TIPIN: variants seen among roughly 807,000 people sequenced by gnomAD.
The protein encoded by TIPIN is TIMELESS interacting protein, also known as TIMELESS-interacting protein.
TIPIN carries 29 observed loss-of-function variants against 35.6 expected under a neutral mutation model. The observed-to-expected ratio is 0.82, with a 90% confidence interval of 0.61 to 1.11. TIPIN has a LOEUF of 1.11. TIPIN is among the 50% of genes most tolerant of loss of function. TIPIN has a pLI of 0.00. For synonymous variants in TIPIN, 102 were observed against 121.5 expected (o/e 0.84, Z 1.06); for missense variants, 296 against 345.4 (o/e 0.86, Z 1.13).
rs1348424114 is a variant in TIPIN at position 66,367,838 on chromosome 15, T to G, written c.-8-14883A>C. 4.2e-5 allele frequency among the ~76,000 whole-genome samples: 6 copies of G among 144,574 alleles called. No homozygotes were observed. In the South Asian group the frequency reaches 6.5e-4, roughly 16 times the overall value. 94.8% of individuals were successfully genotyped at this position (144,574 alleles called of 152,430 possible). On this transcript the variant is annotated intron_variant, in intron 1 of 7. Transcript: ENST00000562124. ...CCTGTTATACATAAATCTTTGTTTT[T>G]GTTTTTTTTTTTTTGATTCAAAGTC...
At chr15:66,358,423 TTCTC>T (rs1479997548), upstream of TIPIN, among the ~76,000 whole-genome samples, 89 of 152,154 alleles carry the variant, frequency 5.8e-4, no homozygotes, top group East Asian at 2.1e-3. Flanking sequence ...TTTTCTTTCT[TTCTC>T]TCTGTCTTTT....
intron 1 of TIPIN, among the ~76,000 whole-genome samples, chr15:66,372,539 A>G (rs1316923339): frequency 6.6e-6 from 1 of 152,228 alleles, no homozygotes; most frequent in East Asian, 1.9e-4. Context: ...TTTGGTGAAC[A>G]TATATAGCCA....
At chr15:66,365,862 T>G (rs186557603) in intron 1 of TIPIN, among the ~76,000 whole-genome samples, 2 of 152,028 alleles carry the variant, frequency 1.3e-5, no homozygotes, top group African/African-American at 4.8e-5. Context: ...CATATTAGTT[T>G]ACTTTTTTTA....
At chr15:66,383,793 A>G (rs998807073) in intron 1 of TIPIN, 2 of 158,532 alleles carry the variant, frequency 1.3e-5, no homozygotes, top group Non-Finnish European at 2.7e-5. Context: ...TGAAGACCAT[A>G]GTTAATAACA....
intron 1 of TIPIN, among the ~76,000 whole-genome samples, chr15:66,384,827 A>G (rs1414844330): frequency 6.6e-6 from 1 of 151,920 alleles, no homozygotes; most frequent in East Asian, 2.0e-4. Flanking sequence ...CAGGAGAATC[A>G]CTTGAGCTTG....
In TIPIN at chr15:66,375,499, T is replaced by TTATATATATA. The variant is rs71139487; in HGVS notation, c.-9+11098_-9+11107dup. Among the ~76,000 whole-genome samples, 176 of 132,840 alleles carry TTATATATATA rather than the reference T, an allele frequency of 1.3e-3. 1 individual carries two copies. Among genetic ancestry groups the TTATATATATA allele is most frequent in the East Asian group, 3.1e-3 (14 of 4,478 alleles). 87.1% of individuals were successfully genotyped at this position (132,840 alleles called of 152,430 possible). ...CTAATGTTGTTTTTAATTGGAAAAG[T>TTATATATATA]TATATATATATATATATATATATAT... On this transcript the variant is annotated intron_variant, in intron 1 of 7. Coordinates refer to the TIPIN transcript ENST00000562124.
At chr15:66,360,025 G>C (rs2093224253), upstream of TIPIN, among the ~76,000 whole-genome samples, 1 of 151,912 alleles carries the variant, frequency 6.6e-6, no homozygotes, top group Non-Finnish European at 1.5e-5. Context: ...TTCCTAACTA[G>C]GCCTCCCAAA....
chr15:66,379,322 G>C, intron 1 of TIPIN: 1 of 1,584,368 alleles, frequency 6.3e-7, no homozygotes, highest in Non-Finnish European at 8.5e-7. Flanking sequence ...TCTGTAGCTG[G>C]ATAACTCTTA....
At chr15:66,363,130 C>G (rs2093238420) in intron 1 of TIPIN, among the ~76,000 whole-genome samples, 1 of 152,186 alleles carries the variant, frequency 6.6e-6, no homozygotes, top group Non-Finnish European at 1.5e-5. Context: ...GTAATCCCAG[C>G]ACTTTGGGAA....
At chr15:66,345,697 TG>T (rs1267923831) in intron 6 of TIPIN, among the ~76,000 whole-genome samples, 5 of 151,214 alleles carry the variant, frequency 3.3e-5, no homozygotes, top group Non-Finnish European at 7.4e-5. Context: ...GGCAACAGAG[TG>T]AGACTCCGTC....
intron 3 of TIPIN, 149 bp from the exon 4 acceptor site, chr15:66,351,749 C>A: frequency 1.6e-6 from 1 of 638,204 alleles, no homozygotes; most frequent in Non-Finnish European, 2.7e-6. Context: ...ACGTCATTCT[C>A]CTGCCTCAGC....
At chr15:66,364,416 G>T (rs1011349947) in intron 1 of TIPIN, among the ~76,000 whole-genome samples, 2 of 151,660 alleles carry the variant, frequency 1.3e-5, no homozygotes, top group South Asian at 4.2e-4. Context: ...TGCCCGCCTC[G>T]GCTTCCCAGT....
At chr15:66,363,052 T>C (rs1297666669) in intron 1 of TIPIN, among the ~76,000 whole-genome samples, 1 of 152,164 alleles carries the variant, frequency 6.6e-6, no homozygotes, top group East Asian at 1.9e-4. Flanking sequence ...TTAAGATCAG[T>C]TCAGCTGCAA....
intron 1 of TIPIN, among the ~76,000 whole-genome samples, chr15:66,367,198 A>ATATCTATATCTATATCTG (rs2093258637): frequency 8.8e-6 from 1 of 114,088 alleles, no homozygotes; most frequent in Admixed American, 8.3e-5. Flanking sequence ...ATCTATATCT[A>ATATCTATATCTATATCTG]TATCTATATC....
chr15:66,381,294 C>T lies in TIPIN; in HGVS notation c.-9+5313G>A, dbSNP rs575567751. On this transcript the variant is annotated intron_variant, in intron 1 of 7. Transcript: ENST00000562124. ...CTACTAAAAATACAAAAAAATTAGC[C>T]GAGCGTGGTGGCGGGCGCCTGTAAT... 2.4e-4 allele frequency among the ~76,000 whole-genome samples: 36 copies of T among 151,782 alleles called. No homozygotes were observed. The East Asian group carries it at 2.7e-3, about 12-fold the overall frequency.
chr15:66,370,180 G>C (rs989532821), intron 1 of TIPIN, among the ~76,000 whole-genome samples: 6 of 151,992 alleles, frequency 3.9e-5, no homozygotes, highest in African/African-American at 1.4e-4. Flanking sequence ...CTTTCACTGC[G>C]CTATCCAAGG....
At chr15:66,369,809 G>C (rs760883503) in intron 1 of TIPIN, among the ~76,000 whole-genome samples, 1 of 152,168 alleles carries the variant, frequency 6.6e-6, no homozygotes, top group Non-Finnish European at 1.5e-5. Context: ...TAATGGCTCT[G>C]CTGTATAGGT....
intron 3 of TIPIN, 92 bp from the exon 4 acceptor site, chr15:66,351,692 C>T (rs1240574391): frequency 8.5e-6 from 9 of 1,063,522 alleles, no homozygotes; most frequent in East Asian, 7.9e-5. Context: ...GGCTGGGATG[C>T]GGTGGCGCGA....
chr15:66,381,789 C>A (rs1440126091), intron 1 of TIPIN, among the ~76,000 whole-genome samples: 1 of 152,192 alleles, frequency 6.6e-6, no homozygotes, highest in Non-Finnish European at 1.5e-5. Flanking sequence ...TTTGGCCGGG[C>A]ACGGTGGCTC....
Sources: gnomAD v4.1 joint callset for allele counts (sites outside exome capture counted in the v4.1 genomes callset) on GRCh38, gnomAD v4.1.1 for gene constraint, MANE v1.5 for transcripts, NCBI Gene and HGNC (gene_info 2026-07-23, HGNC 2026-07-21) for gene names.